Variants in ARL15 observed in about 807,000 individuals in gnomAD.
ARL15 encodes ARF like GTPase 15.
In ARL15, 19 loss-of-function variants were observed where a neutral mutation model predicts 25.2. That is an observed-to-expected ratio of 0.75 (90% CI 0.53 to 1.10). ARL15 has a LOEUF of 1.10. Ranked by LOEUF, ARL15 falls within the 50% of genes least tolerant of loss-of-function variation. ARL15 has a pLI of 0.00. For missense variants in ARL15, 220 were observed against 246.0 expected, an observed-to-expected ratio of 0.89 and a Z score of 0.71; for synonymous variants, 94 against 86.8, an observed-to-expected ratio of 1.08 and a Z score of -0.46.
intron 1 of ARL15, among the ~76,000 whole-genome samples, chr5:54,225,806 A>G (rs1756502547): frequency 6.6e-6 from 1 of 152,158 alleles, no homozygotes; most frequent in Non-Finnish European, 1.5e-5. Flanking sequence ...GGCTGGAAAT[A>G]CAGACAAAGG....
intron 4 of ARL15, among the ~76,000 whole-genome samples, chr5:53,997,017 G>A (rs1270039564): frequency 1.3e-5 from 2 of 152,126 alleles, no homozygotes; most frequent in African/African-American, 2.4e-5. Flanking sequence ...CTCCTGTATC[G>A]TACAGCAAGA....
chr5:54,284,606 C>T (rs2112675487), intron 1 of ARL15, among the ~76,000 whole-genome samples: 1 of 152,312 alleles, frequency 6.6e-6, no homozygotes, highest in South Asian at 2.1e-4. Context: ...TTACTAAAAA[C>T]CTACTTTCCA....
At chr5:54,110,385 T>C (rs1407503660) in intron 4 of ARL15, among the ~76,000 whole-genome samples, 4 of 152,038 alleles carry the variant, frequency 2.6e-5, no homozygotes, top group Non-Finnish European at 5.9e-5. Flanking sequence ...ACAGGATAAA[T>C]TATTGCACAT....
intron 3 of ARL15, among the ~76,000 whole-genome samples, chr5:54,154,161 C>A (rs971088322): frequency 2.0e-5 from 3 of 152,126 alleles, no homozygotes; most frequent in Non-Finnish European, 4.4e-5. Context: ...GATTTATTAT[C>A]GGAACAAATA....
At chr5:54,178,335 A>C (rs1160313570) in intron 1 of ARL15, among the ~76,000 whole-genome samples, 2 of 152,186 alleles carry the variant, frequency 1.3e-5, no homozygotes, top group Non-Finnish European at 2.9e-5. Flanking sequence ...TAGTTGCTGG[A>C]AACTTTTCTT....
intron 4 of ARL15, among the ~76,000 whole-genome samples, chr5:54,033,051 G>A (rs1335611742): frequency 1.3e-5 from 2 of 152,038 alleles, no homozygotes; most frequent in Non-Finnish European, 2.9e-5. Context: ...AGACTGGCTG[G>A]GCATGGTGGT....
intron 1 of ARL15, among the ~76,000 whole-genome samples, chr5:54,293,356 A>G (rs748840402): frequency 3.9e-5 from 6 of 152,220 alleles, no homozygotes; most frequent in Non-Finnish European, 8.8e-5. Context: ...TATAATAATA[A>G]TAAACGTGTA....
chr5:53,937,847 T>C (rs1168197607), intron 4 of ARL15, among the ~76,000 whole-genome samples: 1 of 142,664 alleles, frequency 7.0e-6, no homozygotes, highest in South Asian at 2.2e-4. Flanking sequence ...AGGGGTGGAG[T>C]GGGGTGGGGT....
At chr5:54,166,940 C>T (rs1432968744) in intron 2 of ARL15, among the ~76,000 whole-genome samples, 2 of 134,648 alleles carry the variant, frequency 1.5e-5, no homozygotes. Flanking sequence ...TCCTATACAG[C>T]TTTGTGCTGA....
At chr5:54,020,684 T>A (rs1749569552) in intron 4 of ARL15, among the ~76,000 whole-genome samples, 2 of 152,096 alleles carry the variant, frequency 1.3e-5, no homozygotes, top group Admixed American at 1.3e-4. Flanking sequence ...CAGGGCTTCG[T>A]GGCTCACTCC....
intron 4 of ARL15, among the ~76,000 whole-genome samples, chr5:54,094,878 C>T (rs1418010399): frequency 6.6e-6 from 1 of 152,184 alleles, no homozygotes; most frequent in African/African-American, 2.4e-5. Context: ...ATAATCAAAA[C>T]AAAGATACCT....
At chr5:54,014,525 C>CT (rs35687303) in intron 4 of ARL15, among the ~76,000 whole-genome samples, 142 of 146,884 alleles carry the variant, frequency 9.7e-4, no homozygotes, top group Middle Eastern at 3.4e-3. Flanking sequence ...AGTCCCCATT[C>CT]TTTTTTTTTT....
intron 1 of ARL15, among the ~76,000 whole-genome samples, chr5:54,300,523 G>C (rs374637472): frequency 6.6e-6 from 1 of 152,136 alleles, no homozygotes. Context: ...GTCAAACCCC[G>C]ATTCACGAGT....
rs1317855852 is a variant in ARL15 at position 54,217,410 on chromosome 5, GACAA to G, written c.49-45486_49-45483del. Among the ~76,000 whole-genome samples the G allele has an allele frequency of 3.3e-5, 5 of 152,112 alleles. No homozygotes were observed. In the East Asian group the frequency reaches 9.7e-4, roughly 29 times the overall value. ...TAATTATTATAATCTGAATCACAAA[GACAA>G]ACAGAAGAGCAGCCTATTTTTCTGT... is the stretch of plus-strand genomic sequence containing the variant. On this transcript the variant is annotated intron_variant, in intron 1 of 4. Transcript: ENST00000504924.
At chr5:54,117,370 T>TACACACACACACACAC (rs71600803) in intron 3 of ARL15, among the ~76,000 whole-genome samples, 11 of 143,780 alleles carry the variant, frequency 7.7e-5, no homozygotes, top group African/African-American at 1.8e-4. Context: ...GTGAGACACA[T>TACACACACACACACAC]ACACACACAC....
intron 1 of ARL15, among the ~76,000 whole-genome samples, chr5:54,263,474 G>A (rs1225600465): frequency 1.3e-5 from 2 of 152,100 alleles, no homozygotes; most frequent in Non-Finnish European, 1.5e-5. Context: ...GGGAAAGGGA[G>A]CATTTTAATC....
At chr5:54,092,489 G>C (rs1044335534) in intron 4 of ARL15, among the ~76,000 whole-genome samples, 3 of 152,164 alleles carry the variant, frequency 2.0e-5, no homozygotes, top group African/African-American at 7.2e-5. Context: ...ATAAAAAATA[G>C]AGATTTTCTT....
intron 1 of ARL15, among the ~76,000 whole-genome samples, chr5:54,186,697 T>G (rs980408054): frequency 6.6e-6 from 1 of 152,216 alleles, no homozygotes. Context: ...CTTTATATTA[T>G]TCCCTGAAAT....
At chr5:53,952,885 T>C (rs1747023469) in intron 4 of ARL15, among the ~76,000 whole-genome samples, 1 of 152,224 alleles carries the variant, frequency 6.6e-6, no homozygotes, top group South Asian at 2.1e-4. Flanking sequence ...AAACCTGTTT[T>C]ATTTGAAGGC....
Sources: gnomAD v4.1 joint callset for allele counts (sites outside exome capture counted in the v4.1 genomes callset) on GRCh38, gnomAD v4.1.1 for gene constraint, MANE v1.5 for transcripts, NCBI Gene and HGNC (gene_info 2026-07-23, HGNC 2026-07-21) for gene names.